TNC: variants seen among roughly 807,000 people sequenced by gnomAD.
TNC encodes tenascin.
A neutral mutation model predicts 202.4 loss-of-function variants in TNC; 109 were observed. The observed-to-expected ratio is 0.54, with a 90% CI of 0.46 to 0.63. The LOEUF (loss-of-function observed/expected upper bound fraction) is 0.63, where lower values mean the gene tolerates loss of function less well. TNC is among the 30% of genes least tolerant of loss of function. The pLI is 0.00. For synonymous variants in TNC, 1,007 were observed against 1,089.7 expected, an observed-to-expected ratio of 0.92 and a Z score of 1.50; for missense variants, 2,756 against 2,833.3, an observed-to-expected ratio of 0.97 and a Z score of 0.62.
chr9:115,114,111 G>A (rs866248232), intron 1 of TNC, among the ~76,000 whole-genome samples: 67 of 152,214 alleles, frequency 4.4e-4, no homozygotes, highest in African/African-American at 1.5e-3. Context: ...GGGTTTGCAG[G>A]AGGCTGGTCA....
intron 10 of TNC, among the ~76,000 whole-genome samples, chr9:115,069,465 G>A (rs1245704282): frequency 6.6e-6 from 1 of 151,820 alleles, no homozygotes; most frequent in African/African-American, 2.4e-5. Flanking sequence ...GGAGAATAGA[G>A]TGGAGGAGAG....
At chr9:115,040,815 A>C (rs542815810) in intron 19 of TNC, 126 bp downstream of exon 19, 4 of 1,263,854 alleles carry the variant, frequency 3.2e-6, no homozygotes, top group East Asian at 2.6e-5. Context: ...CATAAATAAA[A>C]CCCCCCTTTT....
At chr9:115,032,216 G>A (rs1290648279) in intron 22 of TNC, among the ~76,000 whole-genome samples, 1 of 152,034 alleles carries the variant, frequency 6.6e-6, no homozygotes, top group Non-Finnish European at 1.5e-5. Context: ...GGCAATAAGC[G>A]ACCTCAACCA....
Position 115,081,944 on chromosome 9 carries a change from A to C in TNC, c.2248-16T>G. ...CTTCTTTATTCTGAGAGATAGAGGC[A>C]GCTTGGTAAGAGTTAGGGGAGGTGC... On this transcript the variant is annotated splice_polypyrimidine_tract_variant and intron_variant, in intron 5 of 27. Transcript: ENST00000350763. 1 of 1,578,654 alleles carries C rather than the reference A, an allele frequency of 6.3e-7. No homozygotes were observed. Among genetic ancestry groups the C allele is most frequent in the Non-Finnish European group, 8.5e-7 (1 of 1,171,166 alleles).
rs763359525 is a variant in TNC at position 115,084,251 on chromosome 9, C to T, written c.2089G>A (p.Glu697Lys). Residue 697 changes from glutamate to lysine, a missense_variant, in exon 4 of 28, where the codon GAG becomes AAG. Transcript: ENST00000350763. ...CTGACAGGAATGCTCTTCTTGTTCTCCAGGATGGCAAATACACGGATAAAG... is the reference window on the plus strand; with the variant it reads ...CTGACAGGAATGCTCTTCTTGTTCTTCAGGATGGCAAATACACGGATAAAG... Reference protein sequence around the residue: ...EYFIRVFAILENKKSIPVSAR... With the variant: ...EYFIRVFAILKNKKSIPVSAR... 9 of 1,614,186 alleles carry T rather than the reference C, an allele frequency of 5.6e-6. No individual in the cohort carries two copies. The highest frequency in any genetic ancestry group is 5.0e-5 in the Admixed American group (3 of 60,022).
At position 115,084,398 on chromosome 9, in the gene TNC, G is replaced by A. The variant is rs149181557; in HGVS notation, c.1942C>T (p.Arg648Trp). 59 of 1,614,168 alleles carry A rather than the reference G, an allele frequency of 3.7e-5. No homozygotes were observed. The highest frequency in any genetic ancestry group is 1.2e-4 in the Admixed American group (7 of 60,030). Residue 648 changes from arginine (R) to tryptophan (W), a missense_variant, in exon 4 of 28, where the codon CGG becomes TGG. Physicochemically the swap from Arg to Trp is moderately radical, Grantham distance 101. This residue lies in a region of TNC where 2,559 missense variants were observed against 2,546.0 expected (regional missense o/e 1.01). Transcript: ENST00000350763. ...TACACGACAAGGTACTCTGTGACCC[G>A]CATCTCATTGTCCCAGGCCAGGTTG... ...TVNLAWDNEM[R>W]VTEYLVVYTP...
chr9:115,028,058 T>A (rs752731171), intron 25 of TNC, among the ~76,000 whole-genome samples: 1 of 152,120 alleles, frequency 6.6e-6, no homozygotes, highest in Admixed American at 6.5e-5. Context: ...CTTCTATACA[T>A]CTCTGGAATA....
rs865956603 is a variant in TNC, at chr9:115,066,752, G to A, written c.3215-1833C>T. 1.6e-4 allele frequency among the ~76,000 whole-genome samples: 24 copies of A among 152,260 alleles called. No individual in the cohort carries two copies. In the Middle Eastern group the frequency reaches 0.014, roughly 86 times the overall value. ...ATCCAAAGAAGAATATTATTTCATG[G>A]TGCATGCAAGTCATATAAAATTCCA... On this transcript the variant is annotated intron_variant, in intron 10 of 27. Transcript: ENST00000350763.
chr9:115,096,537 G>A (rs1432295283), intron 1 of TNC, among the ~76,000 whole-genome samples: 2 of 152,142 alleles, frequency 1.3e-5, no homozygotes, highest in Admixed American at 6.6e-5. Context: ...GACTCAAAGC[G>A]ATCAAGAAGA....
At chr9:115,034,862 A>G (rs1163709437) in intron 22 of TNC, among the ~76,000 whole-genome samples, 3 of 152,254 alleles carry the variant, frequency 2.0e-5, no homozygotes, top group Non-Finnish European at 4.4e-5. Context: ...TAAAGATACC[A>G]TCTGTGAGAT....
In TNC at chr9:115,040,935, A is replaced by G; in HGVS notation, c.5392+6T>C. ...CACACACACACACACAACCCCACCAACTCACCTGTGGTGAATGACCCTGAG... is the reference window on the plus strand; with the variant it reads ...CACACACACACACACAACCCCACCAGCTCACCTGTGGTGAATGACCCTGAG... On this transcript the variant is annotated splice_donor_region_variant and intron_variant, in intron 19 of 27. Coordinates refer to ENST00000350763, the MANE Select transcript of TNC (RefSeq NM_002160.4). 1 of 1,610,054 alleles carries G rather than the reference A, an allele frequency of 6.2e-7. No homozygotes were observed. Among genetic ancestry groups the G allele is most frequent in the Non-Finnish European group, 8.5e-7 (1 of 1,177,910 alleles).
intron 2 of TNC, among the ~76,000 whole-genome samples, 186 bp downstream of exon 2, chr9:115,090,373 ACTC>A (rs927855787): frequency 1.9e-4 from 29 of 152,232 alleles, no homozygotes; most frequent in African/African-American, 6.7e-4. Flanking sequence ...TGTCGCCGTG[ACTC>A]CTCCAAGCAG....
At chr9:115,097,502 A>T (rs1835886763) in intron 1 of TNC, among the ~76,000 whole-genome samples, 1 of 152,220 alleles carries the variant, frequency 6.6e-6, no homozygotes, top group African/African-American at 2.4e-5. Context: ...GAGATTGGCC[A>T]ACTCATATCC....
chr9:115,078,883 A>T (rs868122322), intron 6 of TNC, among the ~76,000 whole-genome samples: 38 of 152,142 alleles, frequency 2.5e-4, no homozygotes, highest in Admixed American at 1.2e-3. Flanking sequence ...GTCTCTGTAC[A>T]TGCTGTTCTC....
chr9:115,111,656 C>T (rs140007098), intron 1 of TNC, among the ~76,000 whole-genome samples: 118 of 152,086 alleles, frequency 7.8e-4, no homozygotes, highest in African/African-American at 2.7e-3. Context: ...AGTGATCCAC[C>T]CGCCTCGGGC....
At chr9:115,117,424 C>T (rs539296794) in intron 1 of TNC, among the ~76,000 whole-genome samples, 3 of 152,354 alleles carry the variant, frequency 2.0e-5, no homozygotes, top group South Asian at 4.1e-4. Flanking sequence ...CCAGGAGCCA[C>T]CTCCTCTCTT....
intron 15 of TNC, among the ~76,000 whole-genome samples, chr9:115,049,423 C>T (rs1831473652): frequency 6.6e-6 from 1 of 152,068 alleles, no homozygotes; most frequent in Non-Finnish European, 1.5e-5. Flanking sequence ...TACCTGCCTT[C>T]CAACCCCGAT....
At chr9:115,074,140 A>T (rs2133069041) in intron 9 of TNC, among the ~76,000 whole-genome samples, 1 of 152,360 alleles carries the variant, frequency 6.6e-6, no homozygotes, top group Non-Finnish European at 1.5e-5. Flanking sequence ...TAAAGCAGTT[A>T]AAAGGAACCA....
In TNC at chr9:115,090,628, T is replaced by C; in HGVS notation, c.391A>G (p.Asn131Asp). The change falls in exon 2 of 28, where the codon AAC (asparagine) becomes GAC (aspartate). Residue 131 changes from asparagine to aspartate, a missense_variant. Transcript: ENST00000350763. Reference sequence around the variant, plus strand: ...TGCTCCCTCAGGGAAGACACCAGGTTCTCCAGCTCCTCCAGTCTGCTCAGC... The same window carrying C: ...TGCTCCCTCAGGGAAGACACCAGGTCCTCCAGCTCCTCCAGTCTGCTCAGC... ...ELLSRLEELE[N>D]LVSSLREQCT... 4.3e-6 allele frequency: 7 copies of C among 1,610,362 alleles called. No homozygotes were observed. Among genetic ancestry groups the C allele is most frequent in the Non-Finnish European group, 5.9e-6 (7 of 1,177,600 alleles).
Sources: allele counts gnomAD v4.1 joint callset (sites outside exome capture counted in the v4.1 genomes callset), GRCh38; gene constraint gnomAD v4.1.1; regional missense constraint gnomAD v4.1.1; transcripts MANE v1.5; gene names NCBI Gene and HGNC (gene_info 2026-07-23, HGNC 2026-07-21).